The following HEATR6 variants were observed in gnomAD, a reference collection of about 807,000 sequenced individuals.
HEATR6 encodes the protein HEAT repeat containing 6, also known as HEAT repeat-containing protein 6.
Under a neutral mutation model 132.8 loss-of-function variants are expected in HEATR6, and 106 were observed. The observed-to-expected ratio is 0.80, with a 90% CI of 0.68 to 0.94. HEATR6 has a LOEUF of 0.94. HEATR6 is among the 40% of genes least tolerant of loss of function. The pLI is 0.00. For synonymous variants in HEATR6, 529 were observed against 537.8 expected, an observed-to-expected ratio of 0.98 and a Z score of 0.23; for missense variants, 1,339 against 1,425.1, an observed-to-expected ratio of 0.94 and a Z score of 0.97.
chr17:60,059,812 T>A (rs1906873698), intron 10 of HEATR6, 78 bp downstream of exon 10: 1 of 1,048,724 alleles, frequency 9.5e-7, no homozygotes, highest in Non-Finnish European at 1.5e-6. Flanking sequence ...TTAAGTCAAG[T>A]TACTTTTGAG....
Position 60,057,124 on chromosome 17 carries a change from G to C in HEATR6, c.2003C>G (p.Ser668Cys), listed in dbSNP as rs753967479. ...AGAGCCAGCATCGCTACCTGAACAG[G>C]AATCCTCCTTGGGCAGTACGACAAT... Reference protein sequence around the residue: ...ISIVVLPKEDSCSGSDAGSAA... With the variant: ...ISIVVLPKEDCCSGSDAGSAA... Residue 668 changes from serine (S) to cysteine (C), a missense_variant, in exon 12 of 20, where the codon TCC becomes TGC. Physicochemically the swap from Ser to Cys is moderately radical, Grantham distance 112. Transcript: ENST00000184956. 7 of 1,614,042 alleles carry C rather than the reference G, an allele frequency of 4.3e-6. No individual in the cohort carries two copies. The highest frequency in any genetic ancestry group is 3.3e-4 in the Middle Eastern group (2 of 6,084).
Position 60,043,878 on chromosome 17 carries a change from A to C in HEATR6, c.3231T>G (p.Ile1077Met), listed in dbSNP as rs771752621. The C allele has an allele frequency of 1.2e-5, 19 of 1,614,204 alleles. 1 individual carries two copies. The East Asian group carries it at 4.0e-4, about 34-fold the overall frequency. ...AGGCACTGGCCAAGCTCAAGAGGTG[A>C]ATCAGTGCCTGGCAGATTTGGGTCC... The part of the protein sequence containing the change: ...SLRTQICQAL[I>M]HLLSLASASD... Residue 1077 changes from isoleucine to methionine, a missense_variant, in exon 20 of 20, where the codon ATT becomes ATG. Coordinates refer to ENST00000184956, the MANE Select transcript of HEATR6 (RefSeq NM_022070.5).
rs1335104124 is a variant in HEATR6, at chr17:60,045,210, A to G, written c.2974+815T>C. On this transcript the variant is annotated intron_variant, in intron 19 of 19. Coordinates refer to ENST00000184956, the MANE Select transcript of HEATR6 (RefSeq NM_022070.5). ...AGGTCACCCTTAGGTGACTTCCTCA[A>G]TGGAAGAAGCCGGGAAGCTACCTTA... Among the ~76,000 whole-genome samples the G allele has an allele frequency of 2.0e-5, 3 of 152,238 alleles. No individual in the cohort carries two copies. The East Asian group carries it at 5.8e-4, about 29-fold the overall frequency.
chr17:60,064,786 A>G (rs919140748), intron 9 of HEATR6: 4 of 152,238 alleles, frequency 2.6e-5, no homozygotes, highest in Non-Finnish European at 5.9e-5. Context: ...TTCTCATGGC[A>G]CTTTAAGTGA....
chr17:60,057,972 T>C (rs929172374), intron 11 of HEATR6, among the ~76,000 whole-genome samples: 2 of 152,208 alleles, frequency 1.3e-5, no homozygotes, highest in Non-Finnish European at 2.9e-5. Flanking sequence ...ATTGATCTGT[T>C]TGTCTCTTCC....
Position 60,076,243 on chromosome 17 carries a change from A to G in HEATR6, c.220-6T>C, listed in dbSNP as rs201454097. The stretch of plus-strand genomic sequence containing the variant: ...ACAAGAAGAGCACTAACGTCCTACC[A>G]AAAAAAAAAAGATAAGAGGTAAAAT... On this transcript the variant is annotated splice_polypyrimidine_tract_variant and splice_region_variant and intron_variant, in intron 1 of 19. Transcript: ENST00000184956. 2.6e-4 allele frequency: 201 copies of G among 760,048 alleles called. No homozygotes were observed. The highest frequency in any genetic ancestry group is 5.7e-5 in the Non-Finnish European group (31 of 540,998). The allele number at this position is 760,048 out of a possible 1,614,324, so 47.1% of individuals were successfully genotyped here. A position where few individuals can be genotyped will look rare whatever the true frequency, so the allele number is the denominator to read the frequency against.
At chr17:60,044,191 G>T in intron 19 of HEATR6, 57 bp from the exon 20 acceptor site, 1 of 1,350,824 alleles carries the variant, frequency 7.4e-7, no homozygotes. Context: ...GGTGGGGTGA[G>T]AGGGAGAGGG....
Position 60,049,584 on chromosome 17 carries a change from C to CT in HEATR6, c.2542dup (p.Arg848LysfsTer19), listed in dbSNP as rs1199123704. On this transcript the variant is annotated frameshift_variant, in exon 16 of 20. Transcript: ENST00000184956. LOFTEE classifies it high-confidence loss of function. ...GCTAAATAGGCTCACTCTGACCTGTCTGAGACAGGGAAAAAGCACATAGAC... is the reference window on the plus strand; with the variant it reads ...GCTAAATAGGCTCACTCTGACCTGTCTTGAGACAGGGAAAAAGCACATAGAC... The CT allele has an allele frequency of 6.2e-7, 1 of 1,613,764 alleles. No homozygotes were observed. The highest frequency in any genetic ancestry group is 2.2e-5 in the East Asian group (1 of 44,860).
At chr17:60,045,929 T>C (rs1458106584) in intron 19 of HEATR6, 96 bp downstream of exon 19, 4 of 951,990 alleles carry the variant, frequency 4.2e-6, no homozygotes, top group Non-Finnish European at 6.5e-6. Context: ...CCTAATACTA[T>C]GACAAATAAC....
chr17:60,050,908 T>G lies in HEATR6; in HGVS notation c.2359A>C (p.Thr787Pro). ...PRALQNSEHP[T>P]LQASACDALS... ...GCATCACAGGCGCTCGCCTGGAGAG[T>G]TGGGTGTTCTGAATTCTGCAGGGCT... is the stretch of plus-strand genomic sequence containing the variant. The change falls in exon 15 of 20, where the codon ACT (threonine) becomes CCT (proline). Residue 787 changes from threonine to proline, a missense_variant. Thr to Pro is a conservative substitution (Grantham distance 38, BLOSUM62 -1). Coordinates refer to ENST00000184956, the MANE Select transcript of HEATR6 (RefSeq NM_022070.5). The G allele has an allele frequency of 1.2e-6, 2 of 1,614,014 alleles. No individual in the cohort carries two copies. Among genetic ancestry groups the G allele is most frequent in the Non-Finnish European group, 1.7e-6 (2 of 1,179,990 alleles).
intron 11 of HEATR6, among the ~76,000 whole-genome samples, 176 bp downstream of exon 11, chr17:60,059,246 A>G (rs1486022308): frequency 6.6e-6 from 1 of 152,218 alleles, no homozygotes; most frequent in African/African-American, 2.4e-5. Flanking sequence ...CTGGGACTTG[A>G]GGGGTCAATT....
At chr17:60,056,339 G>T in intron 12 of HEATR6, 102 bp from the exon 13 acceptor site, 1 of 1,068,806 alleles carries the variant, frequency 9.4e-7, no homozygotes, top group South Asian at 1.8e-5. Flanking sequence ...ATTTAACAGG[G>T]GCTGAAATCT....
chr17:60,076,158 A>C lies in HEATR6; in HGVS notation c.299T>G (p.Leu100Arg). ...TAATCTGTTAAGTAAATGGTGGATA[A>C]GCTGGCTCACTTTGCTGACAAGATG... ...QNHLVSKVSQ[L>R]IHHLLNRLQV... The change falls in exon 2 of 20, where the codon CTT (leucine) becomes CGT (arginine). Residue 100 changes from leucine (L) to arginine (R), a missense_variant. Coordinates refer to ENST00000184956, the MANE Select transcript of HEATR6 (RefSeq NM_022070.5). 6.2e-7 allele frequency: 1 copy of C among 1,610,372 alleles called. No homozygotes were observed. Among genetic ancestry groups the C allele is most frequent in the Non-Finnish European group, 8.5e-7 (1 of 1,177,454 alleles).
intron 14 of HEATR6, among the ~76,000 whole-genome samples, chr17:60,054,282 G>C (rs1568615888): frequency 6.6e-6 from 1 of 152,246 alleles, no homozygotes; most frequent in African/African-American, 2.4e-5. Context: ...TGCGAAGAAG[G>C]CTTGGGAGCT....
chr17:60,063,412 AG>A (rs2083222523), intron 9 of HEATR6: 1 of 152,220 alleles, frequency 6.6e-6, no homozygotes, highest in Non-Finnish European at 1.5e-5. Context: ...ATCATATCCA[AG>A]AAATTCTTAA....
chr17:60,057,054 G>A lies in HEATR6; in HGVS notation c.2073C>T (p.Ala691=), dbSNP rs375880081. 1.3e-6 allele frequency: 2 copies of A among 1,585,302 alleles called. No individual in the cohort carries two copies. Among genetic ancestry groups the A allele is most frequent in the Non-Finnish European group, 1.7e-6 (2 of 1,163,660 alleles). ...TYEPSPMRLE[A]LQVLTLLARG... The stretch of plus-strand genomic sequence containing the variant: ...AGGAAATGAAATCTCCTACCTGTAA[G>A]GCCTCCAGTCGCATGGGGGATGGTT... Residue 691 remains alanine (A), a synonymous_variant, in exon 12 of 20, where the codon GCC becomes GCT. Coordinates refer to ENST00000184956, the MANE Select transcript of HEATR6 (RefSeq NM_022070.5).
Position 60,050,884 on chromosome 17 carries a change from C to A in HEATR6, c.2383G>T (p.Ala795Ser). 3 of 1,614,210 alleles carry A rather than the reference C, an allele frequency of 1.9e-6. No homozygotes were observed. The highest frequency in any genetic ancestry group is 2.2e-5 in the South Asian group (2 of 91,090). Residue 795 changes from alanine to serine, a missense_variant, in exon 15 of 20, where the codon GCC (alanine) becomes TCC (serine). Coordinates refer to ENST00000184956, the MANE Select transcript of HEATR6 (RefSeq NM_022070.5). ...GCCTCTGGCAAGATGGAAGACAGGGCATCACAGGCGCTCGCCTGGAGAGTT... is the reference window on the plus strand; with the variant it reads ...GCCTCTGGCAAGATGGAAGACAGGGAATCACAGGCGCTCGCCTGGAGAGTT... ...HPTLQASACD[A>S]LSSILPEAFS...
intron 19 of HEATR6, among the ~76,000 whole-genome samples, chr17:60,045,574 G>C: frequency 6.6e-6 from 1 of 152,134 alleles, no homozygotes; most frequent in African/African-American, 2.4e-5. Flanking sequence ...TCTCATTCCA[G>C]TTTTTTTCCT....
intron 9 of HEATR6, among the ~76,000 whole-genome samples, chr17:60,060,705 GTTAAC>G (rs991525830): frequency 6.6e-6 from 1 of 152,156 alleles, no homozygotes; most frequent in African/African-American, 2.4e-5. Context: ...TGTGTTCAAT[GTTAAC>G]TTAAATAGGA....
Sources: allele counts gnomAD v4.1 joint callset (sites outside exome capture counted in the v4.1 genomes callset), GRCh38; gene constraint gnomAD v4.1.1; transcripts MANE v1.5; gene names NCBI Gene and HGNC (gene_info 2026-07-23, HGNC 2026-07-21).